The following EGFLAM variants were observed in gnomAD, a reference collection of about 807,000 sequenced individuals.
EGFLAM encodes pikachurin.
Under a neutral mutation model 113.1 loss-of-function variants are expected in EGFLAM, and 79 were observed. The ratio of observed to expected loss-of-function variants is 0.70; its 90% confidence interval spans 0.58 to 0.84. The LOEUF (loss-of-function observed/expected upper bound fraction) is 0.84, where lower values mean the gene tolerates loss of function less well. Among genes scored for constraint, EGFLAM ranks in the 40% least tolerant of loss-of-function variants. The probability of loss-of-function intolerance (pLI) is 0.00; values close to 1 mark genes in which losing one functional copy is unlikely to be tolerated. For synonymous variants in EGFLAM, 504 were observed against 487.6 expected, an observed-to-expected ratio of 1.03 and a Z score of -0.44; for missense variants, 1,265 against 1,291.6, an observed-to-expected ratio of 0.98 and a Z score of 0.32.
intron 12 of EGFLAM, among the ~76,000 whole-genome samples, chr5:38,419,399 TG>T (rs1741757645): frequency 6.6e-6 from 1 of 152,148 alleles, no homozygotes; most frequent in Non-Finnish European, 1.5e-5. Flanking sequence ...TGGCAAGAAA[TG>T]GCAAGTCTCC....
intron 20 of EGFLAM, 41 bp downstream of exon 20, chr5:38,458,435 C>T (rs369006265): frequency 3.8e-6 from 6 of 1,597,622 alleles, no homozygotes; most frequent in Non-Finnish European, 5.1e-6. Flanking sequence ...CAGAGCTGAG[C>T]AGTGGTGGGA....
chr5:38,359,614 G>A (rs951839557), intron 5 of EGFLAM, among the ~76,000 whole-genome samples: 6 of 152,230 alleles, frequency 3.9e-5, no homozygotes, highest in Non-Finnish European at 7.3e-5. Context: ...GGTGGAGTTT[G>A]CAGTGAACCT....
chr5:38,292,901 A>C (rs1331488252), intron 1 of EGFLAM, among the ~76,000 whole-genome samples: 1 of 152,202 alleles, frequency 6.6e-6, no homozygotes, highest in African/African-American at 2.4e-5. Flanking sequence ...CATCACAAAA[A>C]ATTTCCTGCT....
intron 6 of EGFLAM, among the ~76,000 whole-genome samples, chr5:38,373,610 T>G (rs1740284918): frequency 6.6e-6 from 1 of 152,248 alleles, no homozygotes; most frequent in East Asian, 1.9e-4. Context: ...TTGTTATGGC[T>G]GCATAATATT....
intron 17 of EGFLAM, among the ~76,000 whole-genome samples, chr5:38,438,851 C>A (rs1742443089): frequency 6.6e-6 from 1 of 152,126 alleles, no homozygotes; most frequent in African/African-American, 2.4e-5. Flanking sequence ...AATATTTTAA[C>A]CCCTGTCTGT....
At chr5:38,406,019 T>A in intron 6 of EGFLAM, 107 bp from the exon 7 acceptor site, 2 of 857,914 alleles carry the variant, frequency 2.3e-6, no homozygotes, top group Non-Finnish European at 4.0e-6. Flanking sequence ...ATGTTTCCAA[T>A]ACACTGCGTT....
rs1326754535 is a variant in EGFLAM, at chr5:38,458,324, A to G, written c.2701A>G (p.Ser901Gly). 6.2e-7 allele frequency: 1 copy of G among 1,614,012 alleles called. No individual in the cohort carries two copies. Among genetic ancestry groups the G allele is most frequent in the Admixed American group, 1.7e-5 (1 of 59,994 alleles). ...CCAATGCCTTAGCTATAACCTGGGC[A>G]GTGGTGTGGCATCCATCATGGTGAA... ...GALVFSYNLG[S>G]GVASIMVNGS... Residue 901 changes from serine to glycine, a missense_variant, in exon 20 of 22, where the codon AGT (serine) becomes GGT (glycine). Physicochemically the swap from Ser to Gly is moderately conservative, Grantham distance 56. Transcript: ENST00000322350.
chr5:38,462,848 G>A (rs1338051568), intron 20 of EGFLAM, 60 bp from the exon 21 acceptor site: 16 of 1,561,592 alleles, frequency 1.0e-5, no homozygotes, highest in Non-Finnish European at 1.3e-5. Flanking sequence ...ATGAATGAAT[G>A]ATTGAATGAA....
chr5:38,304,823 C>CA (rs879746745), intron 1 of EGFLAM, among the ~76,000 whole-genome samples: 1 of 151,586 alleles, frequency 6.6e-6, no homozygotes, highest in Non-Finnish European at 1.5e-5. Context: ...AGAAACACAC[C>CA]AAAAAAACAG....
intron 6 of EGFLAM, among the ~76,000 whole-genome samples, chr5:38,404,428 G>A (rs1267206032): frequency 6.6e-6 from 1 of 152,148 alleles, no homozygotes; most frequent in Non-Finnish European, 1.5e-5. Context: ...GATACTGCCA[G>A]CCCTTTGATC....
intron 17 of EGFLAM, among the ~76,000 whole-genome samples, chr5:38,447,937 C>T (rs531351335): frequency 1.3e-5 from 2 of 152,272 alleles, no homozygotes; most frequent in East Asian, 3.9e-4. Flanking sequence ...TCTCTGCCTC[C>T]CTAGGAGAAC....
At chr5:38,397,836 G>A (rs1741002175) in intron 6 of EGFLAM, among the ~76,000 whole-genome samples, 1 of 152,212 alleles carries the variant, frequency 6.6e-6, no homozygotes, top group Non-Finnish European at 1.5e-5. Flanking sequence ...TTTAGCTTCT[G>A]TAATATCTAC....
intron 19 of EGFLAM, among the ~76,000 whole-genome samples, chr5:38,456,221 G>A (rs759188253): frequency 1.1e-4 from 17 of 152,134 alleles, no homozygotes; most frequent in Non-Finnish European, 1.6e-4. Flanking sequence ...GGATTCTTCA[G>A]GGAAGGGATT....
At chr5:38,417,357 A>AAC (rs1741681470) in intron 11 of EGFLAM, among the ~76,000 whole-genome samples, 2 of 141,474 alleles carry the variant, frequency 1.4e-5, no homozygotes, top group East Asian at 2.4e-4. Context: ...CAAAAAAAAA[A>AAC]AAAAAAAAAA....
At chr5:38,375,795 A>G (rs1318510629) in intron 6 of EGFLAM, among the ~76,000 whole-genome samples, 1 of 152,158 alleles carries the variant, frequency 6.6e-6, no homozygotes, top group African/African-American at 2.4e-5. Flanking sequence ...AATGTTGAGA[A>G]GTTCGTGCAG....
At chr5:38,308,624 A>G (rs1758790180) in intron 1 of EGFLAM, among the ~76,000 whole-genome samples, 1 of 152,222 alleles carries the variant, frequency 6.6e-6, no homozygotes, top group South Asian at 2.1e-4. Context: ...AAAGTAAATT[A>G]TGTTAAGAAC....
At chr5:38,385,850 A>G (rs1042280637) in intron 6 of EGFLAM, among the ~76,000 whole-genome samples, 1 of 152,260 alleles carries the variant, frequency 6.6e-6, no homozygotes, top group African/African-American at 2.4e-5. Flanking sequence ...ATGCACCATT[A>G]GGTGATTTCC....
At chr5:38,362,625 T>C (rs1165974070) in intron 5 of EGFLAM, among the ~76,000 whole-genome samples, 1 of 152,182 alleles carries the variant, frequency 6.6e-6, no homozygotes, top group Non-Finnish European at 1.5e-5. Context: ...CTTGCTTGGA[T>C]GTCAGCTGGG....
chr5:38,432,058 A>T (rs903469045), intron 15 of EGFLAM, among the ~76,000 whole-genome samples: 5 of 152,202 alleles, frequency 3.3e-5, no homozygotes, highest in African/African-American at 9.7e-5. Context: ...AGAGGAAGTC[A>T]GGGAGATTTG....
Sources: allele counts gnomAD v4.1 joint callset (sites outside exome capture counted in the v4.1 genomes callset), GRCh38; gene constraint gnomAD v4.1.1; transcripts MANE v1.5; gene names NCBI Gene and HGNC (gene_info 2026-07-23, HGNC 2026-07-21).